RBFOX3: variants seen among roughly 807,000 people sequenced by gnomAD.
The protein encoded by RBFOX3 is RNA binding protein fox-1 homolog 3.
Under a neutral mutation model 48.7 loss-of-function variants are expected in RBFOX3, and 17 were observed. The ratio of observed to expected loss-of-function variants is 0.35; its 90% CI spans 0.24 to 0.52. The LOEUF is 0.52. RBFOX3 is among the 20% of genes least tolerant of loss of function. RBFOX3 has a pLI of 0.94. For synonymous variants in RBFOX3, 212 were observed against 209.5 expected, an observed-to-expected ratio of 1.01 and a Z score of -0.10; for missense variants, 382 against 497.5, an observed-to-expected ratio of 0.77 and a Z score of 2.21.
intron 2 of RBFOX3, among the ~76,000 whole-genome samples, chr17:79,360,197 G>A (rs534637972): frequency 1.3e-5 from 2 of 152,132 alleles, no homozygotes; most frequent in African/African-American, 4.8e-5. Flanking sequence ...GTTTTTAGGG[G>A]TGTGGCCAGC....
chr17:79,591,936 T>TTGTGTGTG (rs2093430275), intron 1 of RBFOX3, among the ~76,000 whole-genome samples: 4 of 149,656 alleles, frequency 2.7e-5, no homozygotes, highest in African/African-American at 1.0e-4. Flanking sequence ...TGGAGGGGTG[T>TTGTGTGTG]GCATGTGTTG....
At chr17:79,282,761 A>T (rs2070867315) in intron 3 of RBFOX3, among the ~76,000 whole-genome samples, 1 of 152,230 alleles carries the variant, frequency 6.6e-6, no homozygotes, top group Non-Finnish European at 1.5e-5. Context: ...CAAACCCAGC[A>T]CAACCAACAC....
chr17:79,590,666 C>T (rs1270717870), intron 1 of RBFOX3, among the ~76,000 whole-genome samples: 7 of 152,194 alleles, frequency 4.6e-5, no homozygotes, highest in African/African-American at 1.7e-4. Context: ...CAATGAAGTT[C>T]ATTCTGGCCA....
chr17:79,204,400 G>A lies in RBFOX3; in HGVS notation c.-34+31366C>T, dbSNP rs1478828958. Among the ~76,000 whole-genome samples the A allele has an allele frequency of 2.0e-5, 3 of 152,298 alleles. No individual in the cohort carries two copies. The highest frequency in any genetic ancestry group is 4.1e-4 in the South Asian group (2 of 4,828). On this transcript the variant is annotated intron_variant, in intron 4 of 14. Coordinates refer to ENST00000693108, the MANE Select transcript of RBFOX3 (RefSeq NM_001350451.2). This position sits in a 1 kb window ranked among gnomAD's most constrained non-coding sequence, Gnocchi z 4.5. ...TCTGAACAGAGGAGAGATTACTGAC[G>A]TGAAAGTAACTTCTCATGACTCAGG... is the stretch of plus-strand genomic sequence containing the variant.
At chr17:79,176,453 C>T (rs2050562495) in intron 4 of RBFOX3, among the ~76,000 whole-genome samples, 2 of 152,382 alleles carry the variant, frequency 1.3e-5, no homozygotes, top group African/African-American at 4.8e-5. Context: ...CCTGCCCAGG[C>T]CCAAGCCCCC....
At chr17:79,093,791 C>CCACA (rs60453390) in intron 14 of RBFOX3, among the ~76,000 whole-genome samples, 23,220 of 143,728 alleles carry the variant, frequency 0.16, 1,962 homozygotes, top group Non-Finnish European at 0.19. Flanking sequence ...CAACAGCTGG[C>CCACA]CACACACACA....
intron 4 of RBFOX3, among the ~76,000 whole-genome samples, chr17:79,231,881 G>A (rs548433018): frequency 6.6e-6 from 1 of 152,314 alleles, no homozygotes; most frequent in Admixed American, 6.5e-5. Flanking sequence ...CCATTCTCAT[G>A]CTGCTATGAA....
At chr17:79,276,444 G>C (rs994868247) in intron 3 of RBFOX3, among the ~76,000 whole-genome samples, 2 of 152,190 alleles carry the variant, frequency 1.3e-5, no homozygotes, top group African/African-American at 4.8e-5. Context: ...CCAGCACTTT[G>C]GGAGGCTGAG....
In RBFOX3 at chr17:79,204,805, G is replaced by A. The variant is rs1376618042; in HGVS notation, c.-34+30961C>T. 6.6e-6 allele frequency among the ~76,000 whole-genome samples: 1 copy of A among 152,172 alleles called. No individual in the cohort carries two copies. On this transcript the variant is annotated intron_variant, in intron 4 of 14. Transcript: ENST00000693108. This position sits in a 1 kb window ranked among gnomAD's most constrained non-coding sequence, Gnocchi z 4.5. The stretch of plus-strand genomic sequence containing the variant: ...CTAGAATAGCAGGGGCCAGATAGTT[G>A]CATTTAACCATCAGAGGCAAGTTGG...
At chr17:79,411,546 C>T (rs2064341789) in intron 2 of RBFOX3, among the ~76,000 whole-genome samples, 1 of 152,154 alleles carries the variant, frequency 6.6e-6, no homozygotes, top group Non-Finnish European at 1.5e-5. Context: ...CTGCCCTGGC[C>T]CCAGGCTTCC....
chr17:79,330,184 G>A (rs1416546500), intron 2 of RBFOX3, among the ~76,000 whole-genome samples: 4 of 152,202 alleles, frequency 2.6e-5, no homozygotes, highest in Non-Finnish European at 2.9e-5. Context: ...GTTTAACCCC[G>A]CTGTGGGACA....
At chr17:79,465,356 C>T (rs2076168852) in intron 2 of RBFOX3, among the ~76,000 whole-genome samples, 1 of 152,124 alleles carries the variant, frequency 6.6e-6, no homozygotes, top group African/African-American at 2.4e-5. Flanking sequence ...ATTTTTCTTC[C>T]CTCCAGAAAC....
intron 2 of RBFOX3, among the ~76,000 whole-genome samples, chr17:79,384,625 G>A (rs8075631): frequency 1.3e-5 from 2 of 152,010 alleles, no homozygotes; most frequent in Non-Finnish European, 2.9e-5. Flanking sequence ...CCAGGCCTGC[G>A]CATCTGGGGA....
Position 79,477,366 on chromosome 17 carries a change from C to T in RBFOX3, c.-175+5088G>A, listed in dbSNP as rs1243298538. On this transcript the variant is annotated intron_variant, in intron 2 of 14. Transcript: ENST00000693108. The surrounding 1 kb of genome is among the most constrained non-coding windows in gnomAD (Gnocchi z 4.8). ...GGTCAGGAGATCGAGATCATCCTGGCTAACACGGTGAAACCCCGTCTCTAC... is the reference window on the plus strand; with the variant it reads ...GGTCAGGAGATCGAGATCATCCTGGTTAACACGGTGAAACCCCGTCTCTAC... Among the ~76,000 whole-genome samples the T allele has an allele frequency of 1.3e-4, 20 of 150,732 alleles. No homozygotes were observed. Among genetic ancestry groups the T allele is most frequent in the Admixed American group, 2.6e-4 (4 of 15,132 alleles).
intron 2 of RBFOX3, among the ~76,000 whole-genome samples, chr17:79,376,869 T>C (rs557690596): frequency 5.1e-4 from 77 of 152,216 alleles, no homozygotes; most frequent in Middle Eastern, 3.4e-3. Flanking sequence ...TTCACCTCCC[T>C]GGAACCCCGA....
At chr17:79,274,658 T>G (rs2068381399) in intron 3 of RBFOX3, among the ~76,000 whole-genome samples, 1 of 151,794 alleles carries the variant, frequency 6.6e-6, no homozygotes, top group African/African-American at 2.4e-5. Context: ...CCAGCGAGGG[T>G]CCCCTCATCC....
intron 1 of RBFOX3, among the ~76,000 whole-genome samples, chr17:79,530,290 G>C (rs2087526831): frequency 6.6e-6 from 1 of 152,104 alleles, no homozygotes; most frequent in African/African-American, 2.4e-5. Flanking sequence ...TCAAAGCAGG[G>C]ATGTTGTCAT....
intron 1 of RBFOX3, among the ~76,000 whole-genome samples, chr17:79,576,305 G>A (rs2092854142): frequency 6.6e-6 from 1 of 152,222 alleles, no homozygotes; most frequent in African/African-American, 2.4e-5. Flanking sequence ...GGATGGAGAT[G>A]GAGATGATGA....
upstream of RBFOX3, among the ~76,000 whole-genome samples, chr17:79,613,589 G>T: frequency 6.6e-6 from 1 of 152,350 alleles, no homozygotes; most frequent in African/African-American, 2.4e-5. Context: ...GAGAAACACA[G>T]GGAGACTGGG....
Sources: gnomAD v4.1 joint callset for allele counts (sites outside exome capture counted in the v4.1 genomes callset) on GRCh38, gnomAD v4.1.1 for gene constraint, Gnocchi (gnomAD v3.1) non-coding constraint, MANE v1.5 for transcripts, NCBI Gene and HGNC (gene_info 2026-07-23, HGNC 2026-07-21) for gene names.